The following SPAG16 variants were observed in gnomAD, a reference collection of about 807,000 sequenced individuals.
SPAG16 encodes sperm-associated antigen 16 protein.
A neutral mutation model predicts 80.4 loss-of-function variants in SPAG16; 86 were observed. That is an observed-to-expected ratio of 1.07 (90% confidence interval 0.90 to 1.28). The LOEUF is 1.28. Ranked by LOEUF, SPAG16 falls within the 50% of genes most tolerant of loss-of-function variation. The probability of loss-of-function intolerance (pLI) is 0.00; values close to 1 mark genes in which losing one functional copy is unlikely to be tolerated. For synonymous variants in SPAG16, 294 were observed against 265.9 expected (o/e 1.11, Z -1.03); for missense variants, 870 against 765.3 (o/e 1.14, Z -1.61).
chr2:213,960,536 T>TG (rs1243769825), intron 12 of SPAG16, among the ~76,000 whole-genome samples: 1 of 152,196 alleles, frequency 6.6e-6, no homozygotes, highest in East Asian at 1.9e-4. Context: ...GGGTTTGCTG[T>TG]GGTTTTTTAA....
chr2:213,339,131 A>G (rs976211530), intron 5 of SPAG16, among the ~76,000 whole-genome samples: 1 of 152,188 alleles, frequency 6.6e-6, no homozygotes, highest in Admixed American at 6.5e-5. Flanking sequence ...GTTAATCAAC[A>G]TATGCTTCAT....
intron 10 of SPAG16, among the ~76,000 whole-genome samples, chr2:213,666,673 C>T (rs539937719): frequency 2.2e-4 from 33 of 152,162 alleles, no homozygotes; most frequent in Admixed American, 6.5e-4. Context: ...CACTGCTATT[C>T]GTTTTACAGA....
At chr2:214,364,921 A>C (rs1699385170) in intron 15 of SPAG16, among the ~76,000 whole-genome samples, 1 of 152,176 alleles carries the variant, frequency 6.6e-6, no homozygotes, top group Admixed American at 6.5e-5. Flanking sequence ...AGTTATTCAG[A>C]TGTCAGTATG....
At chr2:214,310,979 A>G (rs1695258774) in intron 15 of SPAG16, among the ~76,000 whole-genome samples, 1 of 152,208 alleles carries the variant, frequency 6.6e-6, no homozygotes, top group South Asian at 2.1e-4. Context: ...CTGAGGACAC[A>G]GCTATCCCAA....
intron 14 of SPAG16, among the ~76,000 whole-genome samples, chr2:214,122,291 C>T (rs1394812465): frequency 6.6e-6 from 1 of 151,660 alleles, no homozygotes; most frequent in Non-Finnish European, 1.5e-5. Context: ...TATTTTGTTT[C>T]TTTTATATCT....
intron 11 of SPAG16, among the ~76,000 whole-genome samples, chr2:213,912,004 TA>T (rs1314117064): frequency 2.0e-5 from 3 of 152,120 alleles, no homozygotes; most frequent in Admixed American, 6.6e-5. Flanking sequence ...TAACTGATAA[TA>T]AAATAACTAC....
rs1421803476 is a variant in SPAG16, at chr2:213,880,294, A to T, written c.1214+17666A>T. On this transcript the variant is annotated intron_variant, in intron 11 of 15. Coordinates refer to ENST00000331683, the MANE Select transcript of SPAG16 (RefSeq NM_024532.5). ...GTCCTCTTTTGAGAAGTGTCTGTTC[A>T]TGGCCTTTGCCCACTTTTTAATGAG... 2.0e-5 allele frequency among the ~76,000 whole-genome samples: 3 copies of T among 152,292 alleles called. No individual in the cohort carries two copies. The South Asian group carries it at 6.2e-4, about 32-fold the overall frequency.
At chr2:214,115,419 C>T (rs140218417) in intron 14 of SPAG16, among the ~76,000 whole-genome samples, 49 of 152,276 alleles carry the variant, frequency 3.2e-4, no homozygotes, top group African/African-American at 9.6e-4. Context: ...ATTCATGTTG[C>T]GTTACCATTT....
At chr2:213,309,095 A>G (rs1354475539) in intron 3 of SPAG16, among the ~76,000 whole-genome samples, 3 of 152,002 alleles carry the variant, frequency 2.0e-5, no homozygotes, top group Non-Finnish European at 4.4e-5. Context: ...GGAATTTTTT[A>G]CCTGTGGTAT....
intron 15 of SPAG16, among the ~76,000 whole-genome samples, chr2:214,400,827 C>T (rs565376786): frequency 1.7e-4 from 26 of 152,076 alleles, no homozygotes; most frequent in African/African-American, 6.0e-4. Flanking sequence ...ATACTGAAGG[C>T]TTCCCTTCCT....
At chr2:214,137,894 C>T (rs2125523674) in intron 14 of SPAG16, among the ~76,000 whole-genome samples, 1 of 152,096 alleles carries the variant, frequency 6.6e-6, no homozygotes, top group East Asian at 1.9e-4. Flanking sequence ...AACATCAATG[C>T]TGTCATTAAA....
rs543391747 is a variant in SPAG16 at position 214,169,564 on chromosome 2, G to A, written c.1720+20298G>A. Among the ~76,000 whole-genome samples the A allele has an allele frequency of 1.3e-4, 20 of 152,114 alleles. No homozygotes were observed. The East Asian group carries it at 3.7e-3, about 28-fold the overall frequency. ...TGATATTCTCTCCAATATTTTTGGAGAGAAATGCTGCCTTCCCTTGAGTGT... is the reference window on the plus strand; with the variant it reads ...TGATATTCTCTCCAATATTTTTGGAAAGAAATGCTGCCTTCCCTTGAGTGT... On this transcript the variant is annotated intron_variant, in intron 15 of 15. Coordinates refer to ENST00000331683, the MANE Select transcript of SPAG16 (RefSeq NM_024532.5).
intron 10 of SPAG16, among the ~76,000 whole-genome samples, chr2:213,512,122 G>T (rs1016883872): frequency 3.3e-5 from 5 of 152,034 alleles, no homozygotes; most frequent in Non-Finnish European, 7.4e-5. Context: ...GTATGTTATT[G>T]CAATGGTGAA....
chr2:213,305,724 A>G (rs2062914449), intron 3 of SPAG16, among the ~76,000 whole-genome samples: 1 of 152,150 alleles, frequency 6.6e-6, no homozygotes, highest in Non-Finnish European at 1.5e-5. Context: ...GGTCATGATG[A>G]TGACCTTTTT....
At chr2:213,480,146 A>C (rs1194859534) in intron 9 of SPAG16, among the ~76,000 whole-genome samples, 1 of 152,212 alleles carries the variant, frequency 6.6e-6, no homozygotes, top group African/African-American at 2.4e-5. Flanking sequence ...CTAATAGTAG[A>C]AGTTAGTTAT....
At chr2:213,990,377 A>G (rs1192626894) in intron 12 of SPAG16, among the ~76,000 whole-genome samples, 2 of 152,134 alleles carry the variant, frequency 1.3e-5, no homozygotes, top group African/African-American at 2.4e-5. Context: ...TAGGGGAACC[A>G]ACTGCCCACA....
chr2:213,550,049 A>G (rs1322522019), intron 10 of SPAG16, among the ~76,000 whole-genome samples: 13 of 152,002 alleles, frequency 8.6e-5, no homozygotes, highest in Non-Finnish European at 4.4e-5. Context: ...AAGTTTTTAC[A>G]TTTATTCACA....
At chr2:213,349,980 GA>G (rs2065235695) in intron 6 of SPAG16, among the ~76,000 whole-genome samples, 1 of 152,092 alleles carries the variant, frequency 6.6e-6, no homozygotes, top group African/African-American at 2.4e-5. Flanking sequence ...AAAAGATTTT[GA>G]GGTCATTTTC....
intron 10 of SPAG16, among the ~76,000 whole-genome samples, chr2:213,752,018 G>T (rs1030861172): frequency 6.6e-6 from 1 of 152,140 alleles, no homozygotes; most frequent in African/African-American, 2.4e-5. Flanking sequence ...TATAATTAAA[G>T]GTAGCAATTT....
Sources: gnomAD v4.1 joint callset for allele counts (sites outside exome capture counted in the v4.1 genomes callset) on GRCh38, gnomAD v4.1.1 for gene constraint, MANE v1.5 for transcripts, NCBI Gene and HGNC (gene_info 2026-07-23, HGNC 2026-07-21) for gene names.